ARX: variants seen among roughly 807,000 people sequenced by gnomAD.
ARX encodes homeobox protein ARX.
A neutral mutation model predicts 23.1 loss-of-function variants in ARX; 1 was observed. That is an observed-to-expected ratio of 0.04 (90% confidence interval 0.02 to 0.21). ARX has a LOEUF of 0.21. ARX is among the 10% of genes least tolerant of loss of function. The pLI is 1.00. For synonymous variants in ARX, 301 were observed against 270.1 expected, an observed-to-expected ratio of 1.11 and a Z score of -1.12; for missense variants, 380 against 527.5, an observed-to-expected ratio of 0.72 and a Z score of 2.74.
At chrX:25,005,143 C>T (rs1474299824) in intron 4 of ARX, among the ~76,000 whole-genome samples, 1 of 111,864 alleles carries the variant, frequency 8.9e-6, no homozygotes, top group Non-Finnish European at 1.9e-5. Context: ...CAGATATTCC[C>T]CGAGGGGCCG....
In ARX at chrX:25,011,160, G is replaced by A. The variant is rs774303151; in HGVS notation, c.1074-855C>T. Among the ~76,000 whole-genome samples the A allele has an allele frequency of 2.6e-4, 29 of 112,370 alleles. 1 individual carries two copies. The East Asian group carries it at 5.8e-3, about 23-fold the overall frequency. On this transcript the variant is annotated intron_variant, in intron 2 of 4. Coordinates refer to ENST00000379044, the MANE Select transcript of ARX (RefSeq NM_139058.3). ...CTCCGGCTCGCTAATATGAAAGAGC[G>A]GGGCCGCCGAAGCCTGGGACCTGGG...
chrX:25,012,896 C>G (rs1569395240), intron 2 of ARX, 26 bp downstream of exon 2: 1 of 1,197,069 alleles, frequency 8.4e-7, no homozygotes, highest in Non-Finnish European at 1.1e-6. Context: ...TCTGCCGCTG[C>G]GACCGCGACC....
At chrX:25,012,760 A>G (rs2048707294) in intron 2 of ARX, among the ~76,000 whole-genome samples, 162 bp downstream of exon 2, 1 of 111,780 alleles carries the variant, frequency 8.9e-6, no homozygotes, top group Admixed American at 9.3e-5. Flanking sequence ...GGGAGTGGGT[A>G]GTTTGGGTGA....
intron 2 of ARX, among the ~76,000 whole-genome samples, chrX:25,010,811 C>A (rs2048698985): frequency 9.0e-6 from 1 of 111,044 alleles, no homozygotes; most frequent in Non-Finnish European, 1.9e-5. Context: ...CAGCTCTATG[C>A]CTTTCCCTCC....
Position 25,012,975 on chromosome X carries a change from C to T in ARX, c.1020G>A (p.Leu340=). The change falls in exon 2 of 5, where the codon CTG becomes CTA. Residue 340 remains leucine, a synonymous_variant. Transcript: ENST00000379044. ...TCTGGAAGGCCCGCTCCAGTTCCTC[C>T]AGCTGGTAGCTGGTGAACGTGGTGC... is the stretch of plus-strand genomic sequence containing the variant. ...RYRTTFTSYQ[L]EELERAFQKT... 2 of 1,204,232 alleles carry T rather than the reference C, an allele frequency of 1.7e-6. No individual in the cohort carries two copies. Among genetic ancestry groups the T allele is most frequent in the Non-Finnish European group, 2.2e-6 (2 of 891,871 alleles).
Position 25,004,327 on chromosome X carries a change from T to G in ARX, c.*343A>C. Reference sequence around the variant, plus strand: ...AAGTGGGGTGTCAGGAGGAAGAGGTTGGGCTTTTTAAATTTTTTACTTCAA... The same window carrying G: ...AAGTGGGGTGTCAGGAGGAAGAGGTGGGGCTTTTTAAATTTTTTACTTCAA... On this transcript the variant is annotated 3_prime_UTR_variant, in exon 5 of 5. Coordinates refer to ENST00000379044, the MANE Select transcript of ARX (RefSeq NM_139058.3). 4.5e-6 allele frequency: 1 copy of G among 221,704 alleles called. No homozygotes were observed. Among genetic ancestry groups the G allele is most frequent in the Non-Finnish European group, 8.0e-6 (1 of 124,267 alleles). 18.3% of individuals were successfully genotyped at this position (221,704 alleles called of 1,213,427 possible). A position where few individuals can be genotyped will look rare whatever the true frequency, so the allele number is the denominator to read the frequency against.
At chrX:25,006,823 G>T (rs2048680178) in intron 4 of ARX, among the ~76,000 whole-genome samples, 1 of 110,779 alleles carries the variant, frequency 9.0e-6, no homozygotes, top group South Asian at 4.0e-4. Flanking sequence ...GGTGGGACTT[G>T]TTGCAGCCTG....
At chrX:25,014,897 C>T (rs975066273) in intron 1 of ARX, among the ~76,000 whole-genome samples, 2 of 110,691 alleles carry the variant, frequency 1.8e-5, no homozygotes, top group Admixed American at 1.9e-4. Flanking sequence ...TTTTTAATTT[C>T]AGAAAAAAAT....
rs952488301 is a variant in ARX at position 25,007,260 on chromosome X, A to T, written c.1299T>A (p.Ala433=). Residue 433 remains alanine (A), a synonymous_variant, in exon 4 of 5, where the codon GCT becomes GCA. Transcript: ENST00000379044. ...GGAAGGCGGCGGCGGCGGCGGCGGC[A>T]GCGGCAGTCCAAGCGGAGTCGAGCG... is the stretch of plus-strand genomic sequence containing the variant. ...HPALDSAWTA[A]AAAAAAAFPS... 9 of 1,117,686 alleles carry T rather than the reference A, an allele frequency of 8.1e-6. No homozygotes were observed. In the South Asian group the frequency reaches 1.7e-4, roughly 22 times the overall value. 92.1% of individuals were successfully genotyped at this position (1,117,686 alleles called of 1,213,427 possible).
At position 25,010,325 on chromosome X, in the gene ARX, A is replaced by C. The variant is rs2048696948; in HGVS notation, c.1074-20T>G. 1 of 1,209,597 alleles carries C rather than the reference A, an allele frequency of 8.3e-7. No individual in the cohort carries two copies. On this transcript the variant is annotated intron_variant, in intron 2 of 4. Coordinates refer to ENST00000379044, the MANE Select transcript of ARX (RefSeq NM_139058.3). ...TCCTCCCTATAAGAAAGCAACACAC[A>C]GACAGGAGGTCACTGCAGGCCCCAG...
At chrX:25,012,269 C>G (rs1400545589) in intron 2 of ARX, among the ~76,000 whole-genome samples, 2 of 112,828 alleles carry the variant, frequency 1.8e-5, no homozygotes, top group South Asian at 3.6e-4. Flanking sequence ...GAGATTCTGG[C>G]TGGGGCCCCT....
intron 3 of ARX, 115 bp from the exon 4 acceptor site, chrX:25,007,554 C>A: frequency 1.1e-6 from 1 of 930,765 alleles, no homozygotes; most frequent in Non-Finnish European, 1.4e-6. Context: ...CACCGCGGCC[C>A]GCGCCCACCT....
rs2147317962 is a variant in ARX at position 25,003,714 on chromosome X, T to TTTTA, written c.*952_*955dup. 1 of 112,032 alleles carries TTTTA rather than the reference T, an allele frequency of 8.9e-6. No homozygotes were observed. Among genetic ancestry groups the TTTTA allele is most frequent in the East Asian group, 2.8e-4 (1 of 3,574 alleles). The allele number at this position is 112,032 out of a possible 1,213,427, so 9.2% of individuals were successfully genotyped here. A position where few individuals can be genotyped will look rare whatever the true frequency, so the allele number is the denominator to read the frequency against. ...CTTCGTTTTGTTAAACATATAATTT[T>TTTTA]TTTATTTTGAGCGTGACACTTCTCC... On this transcript the variant is annotated 3_prime_UTR_variant, in exon 5 of 5. Coordinates refer to ENST00000379044, the MANE Select transcript of ARX (RefSeq NM_139058.3).
rs2048668024 is a variant in ARX at position 25,004,553 on chromosome X, GCT to G, written c.*115_*116del. 2.7e-6 allele frequency: 3 copies of G among 1,112,423 alleles called. No homozygotes were observed. The highest frequency in any genetic ancestry group is 3.6e-5 in the African/African-American group (2 of 54,811). The allele number at this position is 1,112,423 out of a possible 1,213,427, so 91.7% of individuals were successfully genotyped here. A position where few individuals can be genotyped will look rare whatever the true frequency, so the allele number is the denominator to read the frequency against. ...TCCAGACTGCTGTGAAGGCGGCTGC[GCT>G]CTCTCAGTGCCGTCTCGGGAGTGTG... On this transcript the variant is annotated 3_prime_UTR_variant, in exon 5 of 5. Transcript: ENST00000379044.
intron 2 of ARX, among the ~76,000 whole-genome samples, chrX:25,011,878 C>T (rs927017192): frequency 8.8e-6 from 1 of 113,054 alleles, no homozygotes; most frequent in Non-Finnish European, 1.9e-5. Flanking sequence ...ACAAGCCCCG[C>T]GCTAGGCAGT....
chrX:25,008,439 C>T, intron 3 of ARX, among the ~76,000 whole-genome samples: 1 of 112,387 alleles, frequency 8.9e-6, no homozygotes, highest in Non-Finnish European at 1.9e-5. Flanking sequence ...AGGTTTTCAG[C>T]CTGAGGTATT....
intron 3 of ARX, among the ~76,000 whole-genome samples, chrX:25,009,232 C>T (rs1482745071): frequency 4.5e-5 from 5 of 111,705 alleles, no homozygotes; most frequent in Admixed American, 2.8e-4. Flanking sequence ...CAAAGGTAAA[C>T]GAAAGGACTC....
rs1601945415 is a variant in ARX at position 25,004,261 on chromosome X, A to T, written c.*409T>A. The T allele has an allele frequency of 2.7e-5, 3 of 112,926 alleles. No homozygotes were observed. Among genetic ancestry groups the T allele is most frequent in the Admixed American group, 9.7e-5 (1 of 10,315 alleles). The allele number at this position is 112,926 out of a possible 1,213,427, so 9.3% of individuals were successfully genotyped here. A position where few individuals can be genotyped will look rare whatever the true frequency, so the allele number is the denominator to read the frequency against. On this transcript the variant is annotated 3_prime_UTR_variant, in exon 5 of 5. Coordinates refer to ENST00000379044, the MANE Select transcript of ARX (RefSeq NM_139058.3). ...AACTTCGAGCGCCAAAATGCTATTT[A>T]AAAAAAAAAAAGAAAGAAAGAAAGA... is the stretch of plus-strand genomic sequence containing the variant.
In ARX at chrX:25,013,454, G is replaced by A; in HGVS notation, c.541C>T (p.Pro181Ser). Residue 181 changes from proline (P) to serine (S), a missense_variant, in exon 2 of 5, where the codon CCC (proline) becomes TCC (serine). Pro to Ser is a moderately conservative substitution (Grantham distance 74). Transcript: ENST00000379044. ...RSKSYRENGA[P>S]FVPPPPALDE... ...AGCGCGGGCGGCGGCGGCACGAAGG[G>A]CGCCCCGTTCTCGCGGTACGACTTG... 1 of 931,516 alleles carries A rather than the reference G, an allele frequency of 1.1e-6. No homozygotes were observed. The highest frequency in any genetic ancestry group is 4.4e-4 in the Middle Eastern group (1 of 2,255). 76.8% of individuals were successfully genotyped at this position (931,516 alleles called of 1,213,427 possible). A position where few individuals can be genotyped will look rare whatever the true frequency, so the allele number is the denominator to read the frequency against.
Sources: allele counts gnomAD v4.1 joint callset (sites outside exome capture counted in the v4.1 genomes callset), GRCh38; gene constraint gnomAD v4.1.1; transcripts MANE v1.5; gene names NCBI Gene and HGNC (gene_info 2026-07-23, HGNC 2026-07-21).